NALF1: variants seen among roughly 807,000 people sequenced by gnomAD.
The protein encoded by NALF1 is NALCN channel auxiliary factor 1.
Under a neutral mutation model 48.4 loss-of-function variants are expected in NALF1, and 3 were observed. That is an observed-to-expected ratio of 0.06 (90% CI 0.03 to 0.16). The LOEUF is 0.16. Among genes scored for constraint, NALF1 ranks in the 10% least tolerant of loss-of-function variants. NALF1 has a pLI of 1.00. For synonymous variants in NALF1, 262 were observed against 245.7 expected (o/e 1.07, Z -0.62); for missense variants, 526 against 571.5 (o/e 0.92, Z 0.81).
intron 1 of NALF1, among the ~76,000 whole-genome samples, chr13:107,633,656 C>G (rs1272530589): frequency 1.3e-5 from 2 of 150,736 alleles, no homozygotes; most frequent in Non-Finnish European, 3.0e-5. Context: ...AGTGTAAAAA[C>G]AAATCCAGTT....
chr13:107,497,934 T>C (rs1011018148), intron 1 of NALF1, among the ~76,000 whole-genome samples: 8 of 152,216 alleles, frequency 5.3e-5, no homozygotes, highest in African/African-American at 1.9e-4. Flanking sequence ...GTAAGCTTTA[T>C]TGTTTCCAGA....
chr13:107,784,793 C>T (rs1257460492), intron 1 of NALF1, among the ~76,000 whole-genome samples: 1 of 152,148 alleles, frequency 6.6e-6, no homozygotes, highest in East Asian at 1.9e-4. Context: ...TCCTTCTACA[C>T]TGCTGGTGGG....
intron 1 of NALF1, among the ~76,000 whole-genome samples, chr13:107,242,448 C>T (rs1251486309): frequency 6.6e-6 from 1 of 152,228 alleles, no homozygotes; most frequent in Admixed American, 6.5e-5. Context: ...GAACAGGCAC[C>T]TCTGGGACAA....
chr13:107,204,494 C>G (rs1387850640), intron 2 of NALF1, among the ~76,000 whole-genome samples: 1 of 152,200 alleles, frequency 6.6e-6, no homozygotes, highest in Non-Finnish European at 1.5e-5. Flanking sequence ...AATTCCTCCT[C>G]TATTCCCTAC....
intron 1 of NALF1, among the ~76,000 whole-genome samples, chr13:107,498,943 T>C (rs1363237852): frequency 1.3e-5 from 2 of 152,300 alleles, no homozygotes; most frequent in East Asian, 3.9e-4. Flanking sequence ...TAGGCAGTGA[T>C]AAAATTTTAA....
chr13:107,535,349 C>T (rs1377585197), intron 1 of NALF1, among the ~76,000 whole-genome samples: 1 of 152,008 alleles, frequency 6.6e-6, no homozygotes, highest in Non-Finnish European at 1.5e-5. Context: ...TTTTGAGATA[C>T]GTCCCATCAA....
chr13:107,229,274 T>A (rs1880170934), intron 1 of NALF1, among the ~76,000 whole-genome samples: 1 of 152,086 alleles, frequency 6.6e-6, no homozygotes, highest in Non-Finnish European at 1.5e-5. Flanking sequence ...TACATGTTCA[T>A]CTACAATCAA....
At chr13:107,233,497 T>C (rs1236671320) in intron 1 of NALF1, among the ~76,000 whole-genome samples, 1 of 152,232 alleles carries the variant, frequency 6.6e-6, no homozygotes, top group Non-Finnish European at 1.5e-5. Context: ...TAATTCTTTA[T>C]CCATCTTAAT....
chr13:107,288,737 T>C (rs1368933846), intron 1 of NALF1, among the ~76,000 whole-genome samples: 2 of 151,764 alleles, frequency 1.3e-5, no homozygotes, highest in Non-Finnish European at 2.9e-5. Flanking sequence ...TTCGCCATGT[T>C]GGTCAGGCTG....
intron 1 of NALF1, among the ~76,000 whole-genome samples, chr13:107,693,334 G>GGGGGGGGGGGGGGGA (rs535333019): frequency 2.4e-5 from 3 of 124,068 alleles, no homozygotes; most frequent in Non-Finnish European, 5.1e-5. Flanking sequence ...AGGGTAGGGG[G>GGGGGGGGGGGGGGGA]GGCGGGAGGG....
At chr13:107,712,890 C>T (rs549786591) in intron 1 of NALF1, among the ~76,000 whole-genome samples, 1 of 152,304 alleles carries the variant, frequency 6.6e-6, no homozygotes, top group African/African-American at 2.4e-5. Flanking sequence ...AAGCTGACTT[C>T]GCTAACCCAC....
intron 1 of NALF1, among the ~76,000 whole-genome samples, chr13:107,828,885 C>G (rs964509503): frequency 2.0e-5 from 3 of 152,062 alleles, no homozygotes; most frequent in Non-Finnish European, 4.4e-5. Flanking sequence ...GGGACAGTAC[C>G]AATTTCACCA....
chr13:107,332,734 G>A (rs1450821375), intron 1 of NALF1, among the ~76,000 whole-genome samples: 2 of 152,200 alleles, frequency 1.3e-5, no homozygotes, highest in South Asian at 2.1e-4. Context: ...ACCTAGTAGT[G>A]GATATAGAGC....
chr13:107,864,653 C>T (rs1347409274), intron 1 of NALF1, among the ~76,000 whole-genome samples: 1 of 152,180 alleles, frequency 6.6e-6, no homozygotes, highest in African/African-American at 2.4e-5. Context: ...TATAGAGATA[C>T]TGTCATTACA....
At chr13:107,818,643 C>A (rs956281590) in intron 1 of NALF1, among the ~76,000 whole-genome samples, 1 of 112,216 alleles carries the variant, frequency 8.9e-6, no homozygotes, top group East Asian at 4.7e-4. Flanking sequence ...GAGGCCGAGG[C>A]GGGCGGATCA....
intron 1 of NALF1, among the ~76,000 whole-genome samples, chr13:107,780,459 G>A (rs1027947777): frequency 5.2e-4 from 79 of 151,356 alleles, no homozygotes; most frequent in African/African-American, 1.8e-3. Flanking sequence ...TCTCACAGGT[G>A]TTGAAAGTAC....
At chr13:107,688,913 A>T (rs1230748405) in intron 1 of NALF1, among the ~76,000 whole-genome samples, 1 of 152,208 alleles carries the variant, frequency 6.6e-6, no homozygotes, top group Non-Finnish European at 1.5e-5. Context: ...TGCAGACAAG[A>T]GTCTCGAAAC....
At chr13:107,713,544 A>AT (rs1156693016) in intron 1 of NALF1, among the ~76,000 whole-genome samples, 2 of 152,204 alleles carry the variant, frequency 1.3e-5, no homozygotes, top group Non-Finnish European at 2.9e-5. Context: ...TAACTGAGGG[A>AT]TAAAGAGATT....
At chr13:107,806,845 C>A (rs1406857002) in intron 1 of NALF1, among the ~76,000 whole-genome samples, 3 of 152,120 alleles carry the variant, frequency 2.0e-5, no homozygotes, top group East Asian at 1.9e-4. Context: ...TACTTAAAAA[C>A]CCCTGATTCA....
Sources: gnomAD v4.1 joint callset for allele counts (sites outside exome capture counted in the v4.1 genomes callset) on GRCh38, gnomAD v4.1.1 for gene constraint, MANE v1.5 for transcripts, NCBI Gene and HGNC (gene_info 2026-07-23, HGNC 2026-07-21) for gene names.